The following SPATA16 variants were observed in gnomAD, a reference collection of about 807,000 sequenced individuals.
SPATA16 encodes the protein spermatogenesis associated 16.
Under a neutral mutation model 63.3 loss-of-function variants are expected in SPATA16, and 36 were observed. The observed-to-expected ratio is 0.57, with a 90% confidence interval of 0.44 to 0.75. SPATA16 has a LOEUF of 0.75. Among genes scored for constraint, SPATA16 ranks in the 30% least tolerant of loss-of-function variants. The pLI, the probability that SPATA16 is intolerant of heterozygous loss-of-function variation, is 0.00. For synonymous variants in SPATA16, 203 were observed against 216.7 expected, an observed-to-expected ratio of 0.94 and a Z score of 0.56; for missense variants, 646 against 679.3, an observed-to-expected ratio of 0.95 and a Z score of 0.54.
intron 3 of SPATA16, among the ~76,000 whole-genome samples, chr3:173,022,701 G>T (rs1013617399): frequency 3.3e-5 from 5 of 151,784 alleles, no homozygotes; most frequent in Admixed American, 1.3e-4. Flanking sequence ...AGCTGCAGGA[G>T]GCAGCCTGTG....
intron 6 of SPATA16, among the ~76,000 whole-genome samples, chr3:172,955,471 C>T (rs1203597656): frequency 1.3e-5 from 2 of 151,712 alleles, no homozygotes; most frequent in Non-Finnish European, 1.5e-5. Flanking sequence ...TTTTTTTAAC[C>T]TGCTTTCTTA....
chr3:172,984,412 T>G (rs961097728), intron 4 of SPATA16, among the ~76,000 whole-genome samples: 3 of 152,364 alleles, frequency 2.0e-5, no homozygotes, highest in African/African-American at 7.2e-5. Context: ...TTCCTTCGGT[T>G]ATCCATCTTC....
intron 4 of SPATA16, among the ~76,000 whole-genome samples, chr3:172,982,808 G>A (rs1032190273): frequency 6.6e-5 from 10 of 152,256 alleles, no homozygotes; most frequent in Middle Eastern, 3.4e-3. Flanking sequence ...TTCTAAGACT[G>A]TGCAATTCTA....
Position 173,048,990 on chromosome 3 carries a change from T to C in SPATA16, c.717A>G (p.Leu239=). ...GGGCAAGATCTGGTTTCCTCATCCG[T>C]AGATAACAGGTAACAAGCTTTGTCT... ...FIETKLVTCY[L]RMRKPDLALN... The change falls in exon 3 of 11, where the codon CTA becomes CTG. Residue 239 remains leucine, a synonymous_variant. Coordinates refer to ENST00000351008, the MANE Select transcript of SPATA16 (RefSeq NM_031955.6). 6.2e-7 allele frequency: 1 copy of C among 1,613,888 alleles called. No homozygotes were observed.
chr3:173,024,028 T>A (rs1735396452), intron 3 of SPATA16, among the ~76,000 whole-genome samples: 1 of 151,486 alleles, frequency 6.6e-6, no homozygotes, highest in Non-Finnish European at 1.5e-5. Flanking sequence ...CTGAATCACA[T>A]TTTAACGAGA....
rs563501318 is a variant in SPATA16, at chr3:173,077,333, C to T, written c.613-28239G>A. On this transcript the variant is annotated intron_variant, in intron 2 of 10. Transcript: ENST00000351008. ...AGGCAGCGGGAATCTAGAAAAAAAC[C>T]CTATTGTTTTCAAATTTAAATACTT... is the stretch of plus-strand genomic sequence containing the variant. Among the ~76,000 whole-genome samples, 17 of 151,814 alleles carry T rather than the reference C, an allele frequency of 1.1e-4. No individual in the cohort carries two copies. The East Asian group carries it at 2.5e-3, about 22-fold the overall frequency.
chr3:172,961,051 CTT>C (rs1491544992), intron 5 of SPATA16, among the ~76,000 whole-genome samples: 2 of 61,768 alleles, frequency 3.2e-5, no homozygotes, highest in Admixed American at 3.9e-4. Context: ...TTTCTTTCTT[CTT>C]TCTTTCTTTC....
chr3:172,933,199 A>C lies in SPATA16; in HGVS notation c.1082-7707T>G, dbSNP rs192972810. The stretch of plus-strand genomic sequence containing the variant: ...TTCCCTCTCAATGTTTATTAGACTC[A>C]CATCATTGAAACTGATGTCTTCTTG... On this transcript the variant is annotated intron_variant, in intron 6 of 10. Transcript: ENST00000351008. Among the ~76,000 whole-genome samples, 3 of 152,298 alleles carry C rather than the reference A, an allele frequency of 2.0e-5. No individual in the cohort carries two copies. The East Asian group carries it at 5.8e-4, about 29-fold the overall frequency.
intron 3 of SPATA16, among the ~76,000 whole-genome samples, chr3:173,027,396 C>T (rs1040552125): frequency 6.6e-6 from 1 of 151,866 alleles, no homozygotes; most frequent in Non-Finnish European, 1.5e-5. Context: ...CAGCCTATAA[C>T]ATTTGTTTAT....
At chr3:172,908,566 T>C (rs1732293128) in intron 10 of SPATA16, among the ~76,000 whole-genome samples, 1 of 152,220 alleles carries the variant, frequency 6.6e-6, no homozygotes. Flanking sequence ...GAGGTCAGCT[T>C]TCATGAATCA....
In SPATA16 at chr3:172,931,222, T is replaced by C. The variant is rs78833104; in HGVS notation, c.1082-5730A>G. ...TGACAACTCTTAATCCTCTTCAAGA[T>C]CCCATCTTTTTTGTTTAATTTTTGG... On this transcript the variant is annotated intron_variant, in intron 6 of 10. Transcript: ENST00000351008. Among the ~76,000 whole-genome samples, 823 of 152,318 alleles carry C rather than the reference T, an allele frequency of 5.4e-3. 1 individual carries two copies. Among genetic ancestry groups the C allele is most frequent in the Admixed American group, 0.012 (177 of 15,302 alleles).
In SPATA16 at chr3:173,128,611, A is replaced by G. The variant is rs561082869; in HGVS notation, c.-18-10862T>C. Reference sequence around the variant, plus strand: ...CACATCATGCAAATGGTTATGGCATATGCTCCGCCTCCTGACTTTCCTACT... The same window carrying G: ...CACATCATGCAAATGGTTATGGCATGTGCTCCGCCTCCTGACTTTCCTACT... On this transcript the variant is annotated intron_variant, in intron 1 of 10. Coordinates refer to ENST00000351008, the MANE Select transcript of SPATA16 (RefSeq NM_031955.6). Among the ~76,000 whole-genome samples, 17 of 152,338 alleles carry G rather than the reference A, an allele frequency of 1.1e-4. No homozygotes were observed. In the South Asian group the frequency reaches 3.5e-3, roughly 32 times the overall value.
intron 5 of SPATA16, among the ~76,000 whole-genome samples, chr3:172,966,670 A>G (rs1277450508): frequency 6.6e-6 from 1 of 152,214 alleles, no homozygotes; most frequent in Non-Finnish European, 1.5e-5. Context: ...AGTCTTCAAA[A>G]ATTAGCGAAG....
At chr3:173,001,952 G>C (rs1734837913) in intron 4 of SPATA16, among the ~76,000 whole-genome samples, 1 of 152,080 alleles carries the variant, frequency 6.6e-6, no homozygotes, top group Non-Finnish European at 1.5e-5. Flanking sequence ...TACTCATATT[G>C]ATTCTTCCAT....
intron 2 of SPATA16, among the ~76,000 whole-genome samples, chr3:173,114,041 G>A (rs531046404): frequency 9.2e-5 from 14 of 152,152 alleles, no homozygotes; most frequent in Admixed American, 5.9e-4. Context: ...TTAGCCAGGC[G>A]TGGTGGCAGG....
At chr3:172,896,336 T>G (rs369611618) in intron 10 of SPATA16, among the ~76,000 whole-genome samples, 156 of 152,322 alleles carry the variant, frequency 1.0e-3, no homozygotes, top group African/African-American at 3.6e-3. Context: ...TTCTTCTGCC[T>G]CAGCCTCCCG....
At chr3:173,071,823 G>A (rs183827040) in intron 2 of SPATA16, among the ~76,000 whole-genome samples, 13 of 152,154 alleles carry the variant, frequency 8.5e-5, no homozygotes, top group South Asian at 4.2e-4. Flanking sequence ...AATGCTCAAC[G>A]TCACTAATCA....
chr3:172,961,062 TCTTCTTTCTTCCTTCCTTCCTTC>T lies in SPATA16; in HGVS notation c.934-4261_934-4239del, dbSNP rs1385427682. 8.0e-3 allele frequency among the ~76,000 whole-genome samples: 295 copies of T among 37,046 alleles called. 8 individuals are homozygous for T. The highest frequency in any genetic ancestry group is 0.03 in the African/African-American group (288 of 9,488). The allele number at this position is 37,046 out of a possible 152,430, so 24.3% of individuals were successfully genotyped here. A position where few individuals can be genotyped will look rare whatever the true frequency, so the allele number is the denominator to read the frequency against. On this transcript the variant is annotated intron_variant, in intron 5 of 10. Transcript: ENST00000351008. ...TTTCTTTCTTTCTTCTTTCTTTCTT[TCTTCTTTCTTCCTTCCTTCCTTC>T]CTTCCTTCCTTCCTTCCTTCCTTCC...
At chr3:173,080,864 CA>C (rs1736907355) in intron 2 of SPATA16, among the ~76,000 whole-genome samples, 1 of 152,000 alleles carries the variant, frequency 6.6e-6, no homozygotes, top group African/African-American at 2.4e-5. Context: ...GCTTGATGTC[CA>C]AAAAATTATC....
Sources: allele counts gnomAD v4.1 joint callset (sites outside exome capture counted in the v4.1 genomes callset), GRCh38; gene constraint gnomAD v4.1.1; transcripts MANE v1.5; gene names NCBI Gene and HGNC (gene_info 2026-07-23, HGNC 2026-07-21).